Variants in COL7A1 observed in about 807,000 individuals in gnomAD.
The protein encoded by COL7A1 is collagen type VII alpha 1 chain, also known as collagen alpha-1(VII) chain.
A neutral mutation model predicts 456.2 loss-of-function variants in COL7A1; 296 were observed. The observed-to-expected ratio is 0.65, with a 90% CI of 0.59 to 0.71. COL7A1 has a LOEUF of 0.71. COL7A1 is among the 30% of genes least tolerant of loss of function. The pLI is 0.00. For synonymous variants in COL7A1, 1,464 were observed against 1,525.9 expected (o/e 0.96, Z 0.95); for missense variants, 3,441 against 4,017.2 (o/e 0.86, Z 3.88).
Position 48,567,662 on chromosome 3 carries a change from G to A in COL7A1, c.7984-26C>T. ...CTGGAGAAAAAAAGACATGAACTTG[G>A]CCCCCGTCCACCCGTGGCCCCCTCA... On this transcript the variant is annotated intron_variant, in intron 108 of 118. Coordinates refer to ENST00000681320, the MANE Select transcript of COL7A1 (RefSeq NM_000094.4). The surrounding 1 kb of genome is among the most constrained non-coding windows in gnomAD (Gnocchi z 4.3). The A allele has an allele frequency of 1.9e-6, 3 of 1,613,968 alleles. No homozygotes were observed. The highest frequency in any genetic ancestry group is 2.5e-6 in the Non-Finnish European group (3 of 1,179,994).
At position 48,579,049 on chromosome 3, in the gene COL7A1, C is replaced by G; in HGVS notation, c.5389-95G>C. 6.3e-7 allele frequency: 1 copy of G among 1,577,036 alleles called. No homozygotes were observed. The highest frequency in any genetic ancestry group is 1.3e-5 in the African/African-American group (1 of 74,304). On this transcript the variant is annotated intron_variant, in intron 62 of 118. Transcript: ENST00000681320. The surrounding 1 kb of genome is among the most constrained non-coding windows in gnomAD (Gnocchi z 4.4). ...GCCTGCATGGCAAGAACATGCCCCACCCAGGCAGGGCTCTGGGAGAAGACA... is the reference window on the plus strand; with the variant it reads ...GCCTGCATGGCAAGAACATGCCCCAGCCAGGCAGGGCTCTGGGAGAAGACA...
Position 48,588,674 on chromosome 3 carries a change from T to C in COL7A1, c.2555A>G (p.Glu852Gly). The part of the protein sequence containing the change: ...VRVTALVGDR[E>G]GTPVSIVVTT... Reference sequence around the variant, plus strand: ...GACAACAATGGAGACAGGTGTGCCCTCGCGGTCCCCGACAAGTGCAGTCAC... The same window carrying C: ...GACAACAATGGAGACAGGTGTGCCCCCGCGGTCCCCGACAAGTGCAGTCAC... The change falls in exon 20 of 119, where the codon GAG (glutamate) becomes GGG (glycine). Residue 852 changes from glutamate (E) to glycine (G), a missense_variant. By Grantham distance (98) the Glu-to-Gly change is moderately conservative. Transcript: ENST00000681320. The surrounding 1 kb of genome is among the most constrained non-coding windows in gnomAD (Gnocchi z 4.6). The C allele has an allele frequency of 6.2e-7, 1 of 1,613,842 alleles. No individual in the cohort carries two copies. The highest frequency in any genetic ancestry group is 2.2e-5 in the East Asian group (1 of 44,894).
At chr3:48,595,042 G>A (rs2045982521) in intron 2 of COL7A1, 33 bp downstream of exon 2, 15 of 1,520,054 alleles carry the variant, frequency 9.9e-6, no homozygotes, top group Non-Finnish European at 1.2e-5. Context: ...ACGGTGCAGT[G>A]CCCCGGGCCG....
Position 48,590,141 on chromosome 3 carries a change from C to A in COL7A1, c.2050+72G>T. 1 of 1,559,306 alleles carries A rather than the reference C, an allele frequency of 6.4e-7. No individual in the cohort carries two copies. Among genetic ancestry groups the A allele is most frequent in the Non-Finnish European group, 8.7e-7 (1 of 1,144,846 alleles). ...AGGAGTTCTGGGGAGAAGCAAGGGTCTGCAAGGGAAGGCATGGGGGTCTGA... is the reference window on the plus strand; with the variant it reads ...AGGAGTTCTGGGGAGAAGCAAGGGTATGCAAGGGAAGGCATGGGGGTCTGA... On this transcript the variant is annotated intron_variant, in intron 16 of 118. Coordinates refer to ENST00000681320, the MANE Select transcript of COL7A1 (RefSeq NM_000094.4). This position sits in a 1 kb window ranked among gnomAD's most constrained non-coding sequence, Gnocchi z 4.6.
chr3:48,585,714 C>A lies in COL7A1; in HGVS notation c.3807G>T (p.Gly1269=). 3 of 1,614,000 alleles carry A rather than the reference C, an allele frequency of 1.9e-6. No individual in the cohort carries two copies. The highest frequency in any genetic ancestry group is 2.5e-6 in the Non-Finnish European group (3 of 1,179,998). The change falls in exon 31 of 119, where the codon GGG becomes GGT. Residue 1269 remains glycine (G), a synonymous_variant. Transcript: ENST00000681320. This position sits in a 1 kb window ranked among gnomAD's most constrained non-coding sequence, Gnocchi z 4.5. ...CCGGGAGGCCAGGGTCGCCAGGAGG[C>A]CCAACTTGTCCTCTCAGGCCCTAGG... The part of the protein sequence containing the change: ...PGEMGLRGQV[G]PPGDPGLPGR...
chr3:48,566,103 T>C lies in COL7A1; in HGVS notation c.8407+164A>G, dbSNP rs537298698. On this transcript the variant is annotated intron_variant, in intron 114 of 118. Coordinates refer to ENST00000681320, the MANE Select transcript of COL7A1 (RefSeq NM_000094.4). This position sits in a 1 kb window ranked among gnomAD's most constrained non-coding sequence, Gnocchi z 5.9. Reference sequence around the variant, plus strand: ...CATCTGCCTGTGTGTCTCCCTCCACTGGGGACACATGTCATGTGTCAGTCC... The same window carrying C: ...CATCTGCCTGTGTGTCTCCCTCCACCGGGGACACATGTCATGTGTCAGTCC... Among the ~76,000 whole-genome samples the C allele has an allele frequency of 6.6e-6, 1 of 152,314 alleles. No homozygotes were observed. The highest frequency in any genetic ancestry group is 6.5e-5 in the Admixed American group (1 of 15,304).
chr3:48,585,178 AG>A lies in COL7A1; in HGVS notation c.3895-63del. The A allele has an allele frequency of 6.5e-7, 1 of 1,549,798 alleles. No homozygotes were observed. On this transcript the variant is annotated intron_variant, in intron 32 of 118. Transcript: ENST00000681320. This position sits in a 1 kb window ranked among gnomAD's most constrained non-coding sequence, Gnocchi z 4.5. ...TCCCCCAAGGCCCCTGGTTTGCTGG[AG>A]GGGCCTCACCCCATCAACAAGGGGT... is the stretch of plus-strand genomic sequence containing the variant.
chr3:48,589,470 C>G lies in COL7A1; in HGVS notation c.2171G>C (p.Gly724Ala). The G allele has an allele frequency of 6.2e-7, 1 of 1,613,576 alleles. No homozygotes were observed. Among genetic ancestry groups the G allele is most frequent in the Non-Finnish European group, 8.5e-7 (1 of 1,180,002 alleles). ...GYRVSWHSAH[G>A]PEKSQLVSGE... Reference sequence around the variant, plus strand: ...AGAAACCAACTGGGATTTCTCTGGGCCTGGGAACAGGGATGGAGGCAGCTC... The same window carrying G: ...AGAAACCAACTGGGATTTCTCTGGGGCTGGGAACAGGGATGGAGGCAGCTC... The change falls in exon 18 of 119, where the codon GGC becomes GCC. Residue 724 changes from glycine (G) to alanine (A), a missense_variant and splice_region_variant. By Grantham distance (60) the Gly-to-Ala change is moderately conservative. Transcript: ENST00000681320.
intron 16 of COL7A1, among the ~76,000 whole-genome samples, chr3:48,589,981 G>A (rs1246034737): frequency 6.6e-6 from 1 of 152,072 alleles, no homozygotes; most frequent in Non-Finnish European, 1.5e-5. Context: ...GGATATTTGA[G>A]GGCAAAGGCT....
Position 48,583,695 on chromosome 3 carries a change from CA to C in COL7A1, c.4341+22del. The C allele has an allele frequency of 6.2e-7, 1 of 1,614,024 alleles. No individual in the cohort carries two copies. The highest frequency in any genetic ancestry group is 8.5e-7 in the Non-Finnish European group (1 of 1,179,954). On this transcript the variant is annotated intron_variant, in intron 40 of 118. Coordinates refer to ENST00000681320, the MANE Select transcript of COL7A1 (RefSeq NM_000094.4). This position sits in a 1 kb window ranked among gnomAD's most constrained non-coding sequence, Gnocchi z 5.1. Reference sequence around the variant, plus strand: ...GCAGCCTCCCACCCCAGAACTGGGACATCATCAAGTCAGCCTTCCTACTTTT... The same window carrying C: ...GCAGCCTCCCACCCCAGAACTGGGACTCATCAAGTCAGCCTTCCTACTTTT...
Position 48,565,438 on chromosome 3 carries a change from C to T in COL7A1, c.8499G>A (p.Val2833=). The T allele has an allele frequency of 6.2e-7, 1 of 1,612,696 alleles. No homozygotes were observed. Among genetic ancestry groups the T allele is most frequent in the Non-Finnish European group, 8.5e-7 (1 of 1,179,402 alleles). The change falls in exon 116 of 119, where the codon GTG becomes GTA. Residue 2833 remains valine (V), a synonymous_variant. Transcript: ENST00000681320. The surrounding 1 kb of genome is among the most constrained non-coding windows in gnomAD (Gnocchi z 4.5). The part of the protein sequence containing the change: ...TAGSQLHAVP[V]LRVSHAEEEE... ...CCTCCTCTGCATGAGAGACGCGGAG[C>T]ACAGGCACAGCATGGAGCTGGGAGC...
At chr3:48,584,455 A>G in intron 36 of COL7A1, 30 bp downstream of exon 36, 1 of 1,613,552 alleles carries the variant, frequency 6.2e-7, no homozygotes, top group Non-Finnish European at 8.5e-7. Context: ...CCCACTACAC[A>G]TCACTTGCCT....
intron 67 of COL7A1, 51 bp downstream of exon 67, chr3:48,576,830 TTCC>T (rs1553856073): frequency 1.9e-6 from 3 of 1,613,864 alleles, no homozygotes; most frequent in Non-Finnish European, 2.5e-6. Flanking sequence ...TGGAGTCATA[TTCC>T]CCCAGGGTCA....
rs377154432 is a variant in COL7A1, at chr3:48,584,080, C to T, written c.4198-19G>A. On this transcript the variant is annotated intron_variant, in intron 37 of 118. Coordinates refer to ENST00000681320, the MANE Select transcript of COL7A1 (RefSeq NM_000094.4). ...TGTCACCCTAGAAAACAGATGACGA[C>T]CCCATGACCCTGGGCCACACCTCAC... The T allele has an allele frequency of 7.4e-6, 12 of 1,614,078 alleles. No individual in the cohort carries two copies. In the Admixed American group the frequency reaches 8.3e-5, roughly 11 times the overall value.
chr3:48,583,432 G>T lies in COL7A1; in HGVS notation c.4402-4C>A. ...CTCCAGGAGGTCCCCGTGGGCCCTG[G>T]AAGGGATGAATTTGGGGGTTCAGAG... On this transcript the variant is annotated splice_polypyrimidine_tract_variant and splice_region_variant and intron_variant, in intron 41 of 118. Transcript: ENST00000681320. The surrounding 1 kb of genome is among the most constrained non-coding windows in gnomAD (Gnocchi z 5.1). The T allele has an allele frequency of 6.2e-7, 1 of 1,614,170 alleles. No individual in the cohort carries two copies. Among genetic ancestry groups the T allele is most frequent in the Non-Finnish European group, 8.5e-7 (1 of 1,180,018 alleles).
intron 65 of COL7A1, 85 bp from the exon 66 acceptor site, chr3:48,577,112 G>A: frequency 1.3e-6 from 2 of 1,561,876 alleles, no homozygotes; most frequent in Non-Finnish European, 1.8e-6. Context: ...AGATGACTGT[G>A]ACTGTATTTC....
chr3:48,592,318 G>A lies in COL7A1; in HGVS notation c.1093+33C>T, dbSNP rs767147875. The A allele has an allele frequency of 1.6e-5, 26 of 1,613,322 alleles. No individual in the cohort carries two copies. The highest frequency in any genetic ancestry group is 4.5e-5 in the East Asian group (2 of 44,884). On this transcript the variant is annotated intron_variant, in intron 9 of 118. Transcript: ENST00000681320. The surrounding 1 kb of genome is among the most constrained non-coding windows in gnomAD (Gnocchi z 7.6). The stretch of plus-strand genomic sequence containing the variant: ...GACTCTACAGCCTTGTCTGAGGCGC[G>A]GGGACTCCCCTCAGCCCACATCTCT...
chr3:48,594,977 C>G lies in COL7A1; in HGVS notation c.85+98G>C, dbSNP rs1322976729. The G allele has an allele frequency of 2.0e-6, 2 of 999,746 alleles. No homozygotes were observed. The highest frequency in any genetic ancestry group is 3.2e-5 in the African/African-American group (2 of 62,570). 61.9% of individuals were successfully genotyped at this position (999,746 alleles called of 1,614,324 possible). A position where few individuals can be genotyped will look rare whatever the true frequency, so the allele number is the denominator to read the frequency against. ...AATCCGCGGGGCGTCGTGGAGTTGG[C>G]TGGGTTGTGGGCGGGGGGTGTTGGG... On this transcript the variant is annotated intron_variant, in intron 2 of 118. Coordinates refer to ENST00000681320, the MANE Select transcript of COL7A1 (RefSeq NM_000094.4). This position sits in a 1 kb window ranked among gnomAD's most constrained non-coding sequence, Gnocchi z 5.5.
In COL7A1 at chr3:48,573,130, G is replaced by A; in HGVS notation, c.6714+44C>T. 1.9e-6 allele frequency: 3 copies of A among 1,614,052 alleles called. No individual in the cohort carries two copies. Among genetic ancestry groups the A allele is most frequent in the Non-Finnish European group, 2.5e-6 (3 of 1,179,966 alleles). Reference sequence around the variant, plus strand: ...CATGAGAGAACATGGGCCCCAAGGAGTGAAAACACGGTGTCCCTACAGGGG... The same window carrying A: ...CATGAGAGAACATGGGCCCCAAGGAATGAAAACACGGTGTCCCTACAGGGG... On this transcript the variant is annotated intron_variant, in intron 85 of 118. Transcript: ENST00000681320. The surrounding 1 kb of genome is among the most constrained non-coding windows in gnomAD (Gnocchi z 5.5).
Sources: gnomAD v4.1 joint callset for allele counts (sites outside exome capture counted in the v4.1 genomes callset) on GRCh38, gnomAD v4.1.1 for gene constraint, Gnocchi (gnomAD v3.1) non-coding constraint, MANE v1.5 for transcripts, NCBI Gene and HGNC (gene_info 2026-07-23, HGNC 2026-07-21) for gene names.